The following EPHA5 variants were observed in gnomAD, a reference collection of about 807,000 sequenced individuals.
The protein encoded by EPHA5 is ephrin type-A receptor 5.
In EPHA5, 60 loss-of-function variants were observed where a neutral mutation model predicts 105.0. The observed-to-expected ratio is 0.57, with a 90% confidence interval of 0.46 to 0.71. EPHA5 has a LOEUF of 0.71. Among genes scored for constraint, EPHA5 ranks in the 30% least tolerant of loss-of-function variants. EPHA5 has a pLI of 0.00. For missense variants in EPHA5, 1,218 were observed against 1,274.7 expected (o/e 0.96, Z 0.68); for synonymous variants, 513 against 449.1 (o/e 1.14, Z -1.80).
chr4:65,418,581 T>C (rs922203101), intron 6 of EPHA5, among the ~76,000 whole-genome samples: 6 of 152,208 alleles, frequency 3.9e-5, no homozygotes, highest in African/African-American at 9.6e-5. Flanking sequence ...TTCGGAATTA[T>C]CTGATAGTTG....
At chr4:65,625,993 G>C (rs1346596759) in intron 2 of EPHA5, among the ~76,000 whole-genome samples, 2 of 151,742 alleles carry the variant, frequency 1.3e-5, no homozygotes, top group Admixed American at 1.3e-4. Flanking sequence ...CCAGCTACTC[G>C]GAGAGGCTGA....
intron 5 of EPHA5, among the ~76,000 whole-genome samples, chr4:65,464,775 A>C (rs1036665184): frequency 3.3e-5 from 5 of 152,142 alleles, no homozygotes; most frequent in African/African-American, 1.2e-4. Flanking sequence ...TTCAATTGAT[A>C]AAATTAAAAA....
At chr4:65,350,692 A>G (rs1005331830) in intron 13 of EPHA5, among the ~76,000 whole-genome samples, 1 of 152,086 alleles carries the variant, frequency 6.6e-6, no homozygotes, top group Admixed American at 6.6e-5. Flanking sequence ...TCACAGAAAA[A>G]ATGTCAATTA....
intron 1 of EPHA5, among the ~76,000 whole-genome samples, chr4:65,648,051 G>A (rs762224663): frequency 1.3e-5 from 2 of 152,024 alleles, no homozygotes; most frequent in Non-Finnish European, 1.5e-5. Flanking sequence ...ATGCTTTATT[G>A]AACAGAGAAA....
At chr4:65,540,567 A>G (rs4128265) in intron 3 of EPHA5, among the ~76,000 whole-genome samples, 72,158 of 151,110 alleles carry the variant, frequency 0.48, 17,694 homozygotes, top group Non-Finnish European at 0.53. Flanking sequence ...AAGCATTTTA[A>G]AAGATTCTCA....
At chr4:65,576,063 GA>G (rs1428582716) in intron 3 of EPHA5, among the ~76,000 whole-genome samples, 1,131 of 55,162 alleles carry the variant, frequency 0.021, 12 homozygotes, top group East Asian at 0.033. Flanking sequence ...AGAAAGAAAA[GA>G]AAAGAAAAGA....
intron 15 of EPHA5, among the ~76,000 whole-genome samples, chr4:65,334,683 G>A (rs540561935): frequency 2.2e-4 from 34 of 152,004 alleles, no homozygotes; most frequent in African/African-American, 6.5e-4. Context: ...TTGTTTAAAC[G>A]AAACCTAGAA....
chr4:65,476,728 T>G (rs549808829), intron 5 of EPHA5, among the ~76,000 whole-genome samples: 1 of 152,246 alleles, frequency 6.6e-6, no homozygotes, highest in East Asian at 1.9e-4. Flanking sequence ...AATTAATTAA[T>G]TTTAAAATAT....
rs1435976811 is a variant in EPHA5 at position 65,624,823 on chromosome 4, G to C, written c.246+18540C>G. On this transcript the variant is annotated intron_variant, in intron 2 of 16. Transcript: ENST00000613740. ...TTTCCAGCTCTATGACTGTGTACAA[G>C]TCATTTTTCTACTGCTCAGATTTCT... is the stretch of plus-strand genomic sequence containing the variant. Among the ~76,000 whole-genome samples, 7 of 152,208 alleles carry C rather than the reference G, an allele frequency of 4.6e-5. No individual in the cohort carries two copies. In the South Asian group the frequency reaches 1.2e-3, roughly 27 times the overall value.
At chr4:65,620,815 C>A (rs933656795) in intron 2 of EPHA5, among the ~76,000 whole-genome samples, 1 of 152,110 alleles carries the variant, frequency 6.6e-6, no homozygotes. Flanking sequence ...CAGAAAACAT[C>A]CGGTAACTTA....
At chr4:65,417,903 G>A (rs1248315177) in intron 6 of EPHA5, among the ~76,000 whole-genome samples, 1 of 151,912 alleles carries the variant, frequency 6.6e-6, no homozygotes, top group Non-Finnish European at 1.5e-5. Flanking sequence ...TGCATATGCT[G>A]GGAAGTGGTC....
chr4:65,574,709 C>CATATAT (rs1203901938), intron 3 of EPHA5, among the ~76,000 whole-genome samples: 1 of 67,780 alleles, frequency 1.5e-5, no homozygotes, highest in African/African-American at 5.1e-5. Flanking sequence ...CATATATATA[C>CATATAT]ATATATATAT....
intron 13 of EPHA5, among the ~76,000 whole-genome samples, chr4:65,348,884 C>T (rs1722549586): frequency 8.0e-6 from 1 of 124,608 alleles, no homozygotes; most frequent in Non-Finnish European, 1.6e-5. Context: ...GGTGAGATTT[C>T]CACTCACTGT....
chr4:65,640,516 G>C (rs921488169), intron 2 of EPHA5, among the ~76,000 whole-genome samples: 5 of 151,984 alleles, frequency 3.3e-5, no homozygotes, highest in Admixed American at 3.3e-4. Flanking sequence ...TCGATCTCCT[G>C]ACCTCGTGAT....
intron 5 of EPHA5, among the ~76,000 whole-genome samples, chr4:65,434,033 C>A (rs1404497235): frequency 6.6e-6 from 1 of 151,744 alleles, no homozygotes; most frequent in East Asian, 1.9e-4. Context: ...CCAGCCTGGG[C>A]AAAAAGGTGA....
chr4:65,376,686 C>A (rs1719038547), intron 8 of EPHA5, among the ~76,000 whole-genome samples: 1 of 151,922 alleles, frequency 6.6e-6, no homozygotes, highest in Admixed American at 6.6e-5. Context: ...ATGATTTTTA[C>A]TTCATGGAAC....
At chr4:65,484,738 T>C (rs1730712611) in intron 5 of EPHA5, among the ~76,000 whole-genome samples, 1 of 152,182 alleles carries the variant, frequency 6.6e-6, no homozygotes, top group African/African-American at 2.4e-5. Context: ...AAGCTTAAGC[T>C]TAGAAATTCC....
intron 3 of EPHA5, among the ~76,000 whole-genome samples, chr4:65,536,397 AT>A (rs1016044217): frequency 2.6e-4 from 40 of 151,998 alleles, no homozygotes; most frequent in Non-Finnish European, 4.7e-4. Context: ...GCAAATTCTT[AT>A]TTTCTTAACA....
At chr4:65,367,236 T>TA (rs199743769) in intron 9 of EPHA5, 121 bp downstream of exon 9, 86,436 of 641,968 alleles carry the variant, frequency 0.13, 4 homozygotes, top group Non-Finnish European at 0.15. Context: ...AGAACACTTT[T>TA]AAAAAAAAAA....
Sources: allele counts gnomAD v4.1 joint callset (sites outside exome capture counted in the v4.1 genomes callset), GRCh38; gene constraint gnomAD v4.1.1; transcripts MANE v1.5; gene names NCBI Gene and HGNC (gene_info 2026-07-23, HGNC 2026-07-21).